The following ADCY8 variants were observed in gnomAD, a reference collection of about 807,000 sequenced individuals.
ADCY8 encodes adenylate cyclase 8, also known as adenylate cyclase type 8.
Under a neutral mutation model 119.7 loss-of-function variants are expected in ADCY8, and 51 were observed. The observed-to-expected ratio is 0.43, with a 90% CI of 0.34 to 0.54. The LOEUF (loss-of-function observed/expected upper bound fraction) is 0.54. Among genes scored for constraint, ADCY8 ranks in the 20% least tolerant of loss-of-function variants. The pLI is 0.03. For missense variants in ADCY8, 1,383 were observed against 1,598.8 expected (o/e 0.87, Z 2.30); for synonymous variants, 665 against 651.0 (o/e 1.02, Z -0.33).
intron 11 of ADCY8, among the ~76,000 whole-genome samples, chr8:130,843,032 A>T (rs1817195061): frequency 6.6e-6 from 1 of 152,098 alleles, no homozygotes; most frequent in Admixed American, 6.6e-5. Context: ...TACCTTGTTA[A>T]ATCCTAGATA....
At chr8:130,955,539 T>C (rs1327362604) in intron 2 of ADCY8, among the ~76,000 whole-genome samples, 4 of 152,210 alleles carry the variant, frequency 2.6e-5, no homozygotes, top group Non-Finnish European at 4.4e-5. Flanking sequence ...ATACACATGA[T>C]ACTCAATGAT....
At chr8:130,996,440 A>G (rs1476506224) in intron 1 of ADCY8, among the ~76,000 whole-genome samples, 1 of 152,120 alleles carries the variant, frequency 6.6e-6, no homozygotes, top group Non-Finnish European at 1.5e-5. Flanking sequence ...AACATGTAGT[A>G]TAATGCTATG....
chr8:130,926,528 A>G (rs1820471752), intron 5 of ADCY8, among the ~76,000 whole-genome samples: 1 of 152,238 alleles, frequency 6.6e-6, no homozygotes, highest in Non-Finnish European at 1.5e-5. Flanking sequence ...GATTTGAAAC[A>G]TATATACATT....
At chr8:130,925,897 C>T (rs1403427319) in intron 5 of ADCY8, among the ~76,000 whole-genome samples, 1 of 152,084 alleles carries the variant, frequency 6.6e-6, no homozygotes, top group Admixed American at 6.5e-5. Context: ...GAGAATATCC[C>T]CAAACCAGTT....
intron 1 of ADCY8, among the ~76,000 whole-genome samples, chr8:131,000,199 T>C (rs188499631): frequency 1.1e-4 from 17 of 152,188 alleles, no homozygotes; most frequent in African/African-American, 3.9e-4. Flanking sequence ...GGGAATTGGG[T>C]ACAGGAGGGT....
intron 2 of ADCY8, among the ~76,000 whole-genome samples, chr8:130,968,345 A>G (rs1347442395): frequency 6.6e-6 from 1 of 151,838 alleles, no homozygotes; most frequent in Non-Finnish European, 1.5e-5. Context: ...AACTTTTGGT[A>G]TTTTTTTAGT....
intron 14 of ADCY8, among the ~76,000 whole-genome samples, chr8:130,807,880 AG>A (rs1158415628): frequency 1.4e-5 from 2 of 141,050 alleles, no homozygotes; most frequent in Non-Finnish European, 1.5e-5. Flanking sequence ...GCTACTTGGG[AG>A]GCTGAGGCAG....
At chr8:130,944,237 T>C (rs1295422643) in intron 3 of ADCY8, among the ~76,000 whole-genome samples, 1 of 152,176 alleles carries the variant, frequency 6.6e-6, no homozygotes. Context: ...TAGTGGCACA[T>C]GGCATAGCTG....
intron 14 of ADCY8, among the ~76,000 whole-genome samples, chr8:130,810,534 T>C (rs1454234062): frequency 6.6e-6 from 1 of 152,212 alleles, no homozygotes; most frequent in Non-Finnish European, 1.5e-5. Flanking sequence ...AGGGCCCCAG[T>C]TTCCTCATCA....
intron 1 of ADCY8, among the ~76,000 whole-genome samples, chr8:130,992,382 C>CACATATACATATAT (rs1563758967): frequency 1.3e-5 from 1 of 78,054 alleles, no homozygotes; most frequent in African/African-American, 5.3e-5. Context: ...CTGTATCTGG[C>CACATATACATATAT]ATATATATAT....
At chr8:131,009,515 G>C (rs1354284048) in intron 1 of ADCY8, among the ~76,000 whole-genome samples, 1 of 152,178 alleles carries the variant, frequency 6.6e-6, no homozygotes, top group Non-Finnish European at 1.5e-5. Context: ...ACCCTGTGAA[G>C]AGGTGTCTTC....
intron 8 of ADCY8, among the ~76,000 whole-genome samples, chr8:130,879,603 TA>T (rs146021403): frequency 6.6e-6 from 1 of 152,110 alleles, no homozygotes; most frequent in Non-Finnish European, 1.5e-5. Flanking sequence ...GATTTTATCC[TA>T]AAAATAAATA....
intron 5 of ADCY8, among the ~76,000 whole-genome samples, chr8:130,924,188 G>A (rs1253260396): frequency 6.6e-6 from 1 of 152,212 alleles, no homozygotes; most frequent in Non-Finnish European, 1.5e-5. Flanking sequence ...GATCTAGGTG[G>A]AGGTAATTAT....
intron 2 of ADCY8, among the ~76,000 whole-genome samples, 178 bp from the exon 3 acceptor site, chr8:130,952,176 G>T (rs1339299433): frequency 6.6e-6 from 1 of 152,208 alleles, no homozygotes; most frequent in African/African-American, 2.4e-5. Context: ...CAGGCACTCT[G>T]CTGGTGTTGG....
intron 8 of ADCY8, among the ~76,000 whole-genome samples, chr8:130,882,637 G>A (rs965814): frequency 0.45 from 68,919 of 152,052 alleles, 18,002 homozygotes; most frequent in African/African-American, 0.73. Flanking sequence ...AAGCTTCATA[G>A]TAGTTTCTCC....
chr8:130,932,619 A>G (rs771746370), intron 5 of ADCY8, among the ~76,000 whole-genome samples: 9 of 152,208 alleles, frequency 5.9e-5, no homozygotes, highest in Admixed American at 1.3e-4. Context: ...ATTGTGCTAC[A>G]GCTGAGTATT....
intron 7 of ADCY8, among the ~76,000 whole-genome samples, chr8:130,900,686 C>T (rs966000414): frequency 6.6e-5 from 10 of 152,192 alleles, no homozygotes; most frequent in Non-Finnish European, 1.0e-4. Flanking sequence ...CCAAGGAATA[C>T]GAATCTTTCA....
At chr8:130,819,170 C>G (rs10103045) in intron 13 of ADCY8, among the ~76,000 whole-genome samples, 9,858 of 152,206 alleles carry the variant, frequency 0.065, 1,071 homozygotes, top group African/African-American at 0.22. Context: ...AGTCACATAG[C>G]TACTAAGTGG....
intron 2 of ADCY8, among the ~76,000 whole-genome samples, chr8:130,984,241 A>G (rs1306475733): frequency 2.0e-5 from 3 of 152,132 alleles, no homozygotes; most frequent in Non-Finnish European, 4.4e-5. Context: ...AGGAGACTGC[A>G]TGAGTGGGCT....
Sources: gnomAD v4.1 joint callset for allele counts (sites outside exome capture counted in the v4.1 genomes callset) on GRCh38, gnomAD v4.1.1 for gene constraint, MANE v1.5 for transcripts, NCBI Gene and HGNC (gene_info 2026-07-23, HGNC 2026-07-21) for gene names.